The following PTPRN2 variants were observed in gnomAD, a reference collection of about 807,000 sequenced individuals.
PTPRN2 encodes the protein receptor-type tyrosine-protein phosphatase N2.
A neutral mutation model predicts 118.8 loss-of-function variants in PTPRN2; 74 were observed. That is an observed-to-expected ratio of 0.62 (90% CI 0.52 to 0.76). The LOEUF (loss-of-function observed/expected upper bound fraction) is 0.76, where lower values mean the gene tolerates loss of function less well. PTPRN2 is among the 30% of genes least tolerant of loss of function. PTPRN2 has a pLI of 0.00. For synonymous variants in PTPRN2, 641 were observed against 608.0 expected, an observed-to-expected ratio of 1.05 and a Z score of -0.80; for missense variants, 1,481 against 1,394.4, an observed-to-expected ratio of 1.06 and a Z score of -0.99.
intron 13 of PTPRN2, among the ~76,000 whole-genome samples, chr7:157,666,819 T>A (rs1452003007): frequency 1.3e-5 from 2 of 152,010 alleles, no homozygotes; most frequent in Non-Finnish European, 2.9e-5. Context: ...TGATCTCAGG[T>A]GGGTGCAACA....
chr7:158,285,528 C>T (rs1390747650), intron 3 of PTPRN2, among the ~76,000 whole-genome samples: 1 of 152,218 alleles, frequency 6.6e-6, no homozygotes, highest in African/African-American at 2.4e-5. Flanking sequence ...GAGGCTGGAC[C>T]TGCTCTTGCC....
chr7:157,576,300 A>G (rs1461702783), intron 19 of PTPRN2, among the ~76,000 whole-genome samples: 1 of 152,226 alleles, frequency 6.6e-6, no homozygotes, highest in Non-Finnish European at 1.5e-5. Context: ...TTATGCATCA[A>G]TATCCTGTGG....
At chr7:158,141,038 C>T (rs989110410) in intron 6 of PTPRN2, among the ~76,000 whole-genome samples, 6 of 152,072 alleles carry the variant, frequency 3.9e-5, no homozygotes, top group Non-Finnish European at 8.8e-5. Flanking sequence ...TCACCACGAC[C>T]CTCCACTGTA....
chr7:157,637,626 C>A (rs975810042), intron 14 of PTPRN2, among the ~76,000 whole-genome samples: 1 of 152,210 alleles, frequency 6.6e-6, no homozygotes, highest in African/African-American at 2.4e-5. Context: ...ACGGTATGAT[C>A]AGATTCTCTC....
chr7:158,538,740 G>C (rs546823147), intron 1 of PTPRN2, among the ~76,000 whole-genome samples: 2 of 152,306 alleles, frequency 1.3e-5, no homozygotes, highest in East Asian at 3.9e-4. Flanking sequence ...GCGGCACCAC[G>C]GGGCGGGAAG....
chr7:157,856,279 G>C (rs147427518), intron 12 of PTPRN2: 1 of 152,364 alleles, frequency 6.6e-6, no homozygotes, highest in African/African-American at 2.4e-5. Flanking sequence ...AGGAGACCCA[G>C]TTGTCTGAAA....
intron 3 of PTPRN2, among the ~76,000 whole-genome samples, chr7:158,284,141 T>C (rs4145754): frequency 6.6e-6 from 1 of 152,368 alleles, no homozygotes; most frequent in South Asian, 2.1e-4. Flanking sequence ...CTGTGTGTTT[T>C]TGTGTCCAAT....
chr7:157,754,714 G>A (rs2150994196), intron 12 of PTPRN2, among the ~76,000 whole-genome samples: 1 of 152,346 alleles, frequency 6.6e-6, no homozygotes, highest in East Asian at 1.9e-4. Flanking sequence ...TACTTGGCAT[G>A]CGTGTTTTCT....
At chr7:157,856,260 T>C (rs1189360184) in intron 12 of PTPRN2, 1 of 152,260 alleles carries the variant, frequency 6.6e-6, no homozygotes, top group Non-Finnish European at 1.5e-5. Flanking sequence ...TGACTGTGGA[T>C]GACTTTATAG....
At chr7:158,486,004 CAT>C (rs1367334968) in intron 2 of PTPRN2, among the ~76,000 whole-genome samples, 1 of 152,248 alleles carries the variant, frequency 6.6e-6, no homozygotes, top group Non-Finnish European at 1.5e-5. Context: ...GTGACCATAA[CAT>C]AGCTTTAAAG....
intron 3 of PTPRN2, among the ~76,000 whole-genome samples, chr7:158,288,366 T>C (rs1030092580): frequency 6.6e-6 from 1 of 152,176 alleles, no homozygotes; most frequent in Non-Finnish European, 1.5e-5. Flanking sequence ...CTTTTTCCTT[T>C]CATCCTCTGT....
At chr7:157,992,971 G>C (rs1221846752) in intron 11 of PTPRN2, among the ~76,000 whole-genome samples, 1 of 152,212 alleles carries the variant, frequency 6.6e-6, no homozygotes, top group Non-Finnish European at 1.5e-5. Flanking sequence ...CTGTGGTTTG[G>C]GCGCCTGAGC....
chr7:158,515,062 C>T (rs530567622), intron 1 of PTPRN2, among the ~76,000 whole-genome samples: 3 of 152,294 alleles, frequency 2.0e-5, no homozygotes, highest in East Asian at 1.9e-4. Context: ...GACGATGATC[C>T]GAAAACAGCA....
At chr7:157,741,748 A>G (rs1800645391) in intron 12 of PTPRN2, among the ~76,000 whole-genome samples, 2 of 152,144 alleles carry the variant, frequency 1.3e-5, no homozygotes, top group African/African-American at 4.8e-5. Flanking sequence ...CCTTGGGAAG[A>G]AGGATGTTGT....
intron 2 of PTPRN2, among the ~76,000 whole-genome samples, chr7:158,354,170 G>T (rs1383663627): frequency 6.6e-6 from 1 of 152,220 alleles, no homozygotes; most frequent in East Asian, 1.9e-4. Flanking sequence ...GTGCCAAAAA[G>T]GAGGCTGCAA....
chr7:158,271,201 C>T (rs1440514443), intron 3 of PTPRN2, among the ~76,000 whole-genome samples: 5 of 151,936 alleles, frequency 3.3e-5, no homozygotes, highest in South Asian at 2.1e-4. Context: ...GGAGAGGTCA[C>T]GTGCTGCTTC....
At position 157,978,058 on chromosome 7, in the gene PTPRN2, A is replaced by G. The variant is rs191334273; in HGVS notation, c.1724-79321T>C. Among the ~76,000 whole-genome samples, 6 of 152,148 alleles carry G rather than the reference A, an allele frequency of 3.9e-5. No individual in the cohort carries two copies. The East Asian group carries it at 1.2e-3, about 29-fold the overall frequency. The stretch of plus-strand genomic sequence containing the variant: ...AAGGAGTTTTCTAAAAAGGCCAATG[A>G]CAGGTCAGGTGGACCTGAATTGTTA... On this transcript the variant is annotated intron_variant, in intron 11 of 22. Coordinates refer to ENST00000389418, the MANE Select transcript of PTPRN2 (RefSeq NM_002847.5).
chr7:158,272,851 A>C (rs1212226693), intron 3 of PTPRN2, among the ~76,000 whole-genome samples: 1 of 152,200 alleles, frequency 6.6e-6, no homozygotes, highest in Non-Finnish European at 1.5e-5. Flanking sequence ...GGATGGAAGG[A>C]TCAGGAATGA....
rs1423740766 is a variant in PTPRN2 at position 158,546,785 on chromosome 7, C to T, written c.112+40773G>A. ...GCCTGCCAAGTTCTTGTGAGTTGAG[C>T]ACGTCTCACGTATGCACCAACATGC... On this transcript the variant is annotated intron_variant, in intron 1 of 22. Transcript: ENST00000389418. This position sits in a 1 kb window ranked among gnomAD's most constrained non-coding sequence, Gnocchi z 5.0. Among the ~76,000 whole-genome samples the T allele has an allele frequency of 6.6e-6, 1 of 152,238 alleles. No individual in the cohort carries two copies. The highest frequency in any genetic ancestry group is 2.4e-5 in the African/African-American group (1 of 41,464).
Sources: allele counts gnomAD v4.1 joint callset (sites outside exome capture counted in the v4.1 genomes callset), GRCh38; gene constraint gnomAD v4.1.1; non-coding constraint Gnocchi (gnomAD v3.1); transcripts MANE v1.5; gene names NCBI Gene and HGNC (gene_info 2026-07-23, HGNC 2026-07-21).